EPHB4: variants seen among roughly 807,000 people sequenced by gnomAD.
EPHB4 encodes the protein ephrin type-B receptor 4.
Under a neutral mutation model 110.6 loss-of-function variants are expected in EPHB4, and 50 were observed. The observed-to-expected ratio is 0.45, with a 90% CI of 0.36 to 0.57. The LOEUF (loss-of-function observed/expected upper bound fraction) is 0.57, where lower values mean the gene tolerates loss of function less well. EPHB4 is among the 20% of genes least tolerant of loss of function. EPHB4 has a pLI of 0.00. For missense variants in EPHB4, 1,128 were observed against 1,382.1 expected (o/e 0.82, Z 2.91); for synonymous variants, 592 against 578.4 (o/e 1.02, Z -0.34).
At chr7:100,824,305 T>C (rs1228413755) in intron 1 of EPHB4, 32 bp from the exon 2 acceptor site, 1 of 1,592,986 alleles carries the variant, frequency 6.3e-7, no homozygotes, top group South Asian at 1.1e-5. Context: ...AGTCAGTGCC[T>C]GGGGTGGGGG....
At chr7:100,808,005 C>A (rs1812853292) in intron 12 of EPHB4, among the ~76,000 whole-genome samples, 1 of 152,204 alleles carries the variant, frequency 6.6e-6, no homozygotes, top group South Asian at 2.1e-4. Flanking sequence ...AGCCCCCCAA[C>A]TCCCTCAGGT....
chr7:100,812,697 G>T, intron 12 of EPHB4, 50 bp downstream of exon 12: 1 of 1,580,574 alleles, frequency 6.3e-7, no homozygotes, highest in South Asian at 1.2e-5. Flanking sequence ...GTGGCCTCTG[G>T]GTGTAAGTGG....
chr7:100,806,862 G>T (rs957050562), intron 13 of EPHB4, among the ~76,000 whole-genome samples: 5 of 152,138 alleles, frequency 3.3e-5, no homozygotes, highest in Non-Finnish European at 5.9e-5. Flanking sequence ...TAGCGACAGG[G>T]TTTTCCCATG....
At chr7:100,812,686 A>C (rs1159338661) in intron 12 of EPHB4, 61 bp downstream of exon 12, 2 of 1,566,516 alleles carry the variant, frequency 1.3e-6, no homozygotes, top group Non-Finnish European at 1.7e-6. Context: ...TCTTAACCCA[A>C]GTGGCCTCTG....
At chr7:100,803,938 GGGAGAGGAAGAGCTGGGT>G (rs749864040) in intron 16 of EPHB4, among the ~76,000 whole-genome samples, 2 of 152,286 alleles carry the variant, frequency 1.3e-5, no homozygotes, top group Admixed American at 6.5e-5. Flanking sequence ...AGGCCGAAGT[GGGAGAGGAAGAGCTGGGT>G]GGAGAGGAAG....
rs773621068 is a variant in EPHB4 at position 100,827,039 on chromosome 7, C to T, written c.-9G>A. The T allele has an allele frequency of 8.9e-6, 14 of 1,579,376 alleles. No homozygotes were observed. The South Asian group carries it at 1.5e-4, about 17-fold the overall frequency. ...AGCACCCGGAGCTCCATGGCGCCGC[C>T]TCACTCGGGTAGGATCCGAACTGAG... On this transcript the variant is annotated 5_prime_UTR_variant, in exon 1 of 17. Transcript: ENST00000358173.
chr7:100,816,729 G>A (rs561660228), intron 8 of EPHB4, among the ~76,000 whole-genome samples: 5 of 152,168 alleles, frequency 3.3e-5, no homozygotes, highest in South Asian at 2.1e-4. Flanking sequence ...TTTTGGTTTC[G>A]ACATCTTACG....
At position 100,819,605 on chromosome 7, in the gene EPHB4, T is replaced by C; in HGVS notation, c.1249A>G (p.Thr417Ala). 1 of 1,595,228 alleles carries C rather than the reference T, an allele frequency of 6.3e-7. No homozygotes were observed. The highest frequency in any genetic ancestry group is 8.6e-7 in the Non-Finnish European group (1 of 1,165,416). The change falls in exon 6 of 17, where the codon ACG becomes GCG. Residue 417 changes from threonine (T) to alanine (A), a missense_variant. Around this residue, in one of 3 missense-constraint regions of EPHB4, gnomAD observed 728 missense variants for 828.6 expected, o/e 0.88. Coordinates refer to ENST00000358173, the MANE Select transcript of EPHB4 (RefSeq NM_004444.5). ...ACAGGCTCAAATGGGACGGGCCCCGTGGCTAAGGAGGATACCCCGTTCAAT... is the reference window on the plus strand; with the variant it reads ...ACAGGCTCAAATGGGACGGGCCCCGCGGCTAAGGAGGATACCCCGTTCAAT... ...TALNGVSSLA[T>A]GPVPFEPVNV...
intron 2 of EPHB4, 124 bp from the exon 3 acceptor site, chr7:100,824,055 C>T (rs2116462468): frequency 6.6e-7 from 1 of 1,519,604 alleles, no homozygotes; most frequent in South Asian, 1.2e-5. Flanking sequence ...AGGAGGGCGC[C>T]TCTGAGAAGG....
chr7:100,822,412 A>C lies in EPHB4; in HGVS notation c.667T>G (p.Cys223Gly). The change falls in exon 4 of 17, where the codon TGC (cysteine) becomes GGC (glycine). Residue 223 changes from cysteine (C) to glycine (G), a missense_variant. Transcript: ENST00000358173. The surrounding 1 kb of genome is among the most constrained non-coding windows in gnomAD (Gnocchi z 4.7). ...GGGGCGGGGACGGCATCCACCACGC[A>C]GCTACCGGCCACGGGCACAACCAGC... ...RELVVPVAGS[C>G]VVDAVPAPGP... 6.3e-7 allele frequency: 1 copy of C among 1,589,292 alleles called. No individual in the cohort carries two copies. The highest frequency in any genetic ancestry group is 8.6e-7 in the Non-Finnish European group (1 of 1,166,402).
At chr7:100,808,871 A>C (rs534497555) in intron 12 of EPHB4, among the ~76,000 whole-genome samples, 1 of 152,282 alleles carries the variant, frequency 6.6e-6, no homozygotes, top group Non-Finnish European at 1.5e-5. Flanking sequence ...GTTTGTGGCA[A>C]CACCACCACT....
rs958023708 is a variant in EPHB4, at chr7:100,817,718, G to A, written c.1423-361C>T. On this transcript the variant is annotated intron_variant, in intron 7 of 16. Transcript: ENST00000358173. ...TGATTTTGCTATTTGTAGTAGAGAC[G>A]GGGATTTCACCTTGTTGGCCAGGCT... Among the ~76,000 whole-genome samples the A allele has an allele frequency of 8.6e-5, 13 of 151,890 alleles. No individual in the cohort carries two copies. In the East Asian group the frequency reaches 2.1e-3, roughly 25 times the overall value.
In EPHB4 at chr7:100,819,703, C is replaced by T. The variant is rs569874323; in HGVS notation, c.1151G>A (p.Arg384Gln). Residue 384 changes from arginine to glutamine, a missense_variant, in exon 6 of 17, where the codon CGG becomes CAG. Arg to Gln is a conservative substitution (Grantham distance 43). Transcript: ENST00000358173. ...GGDLTFDPGP[R>Q]DLVEPWVVVR... ...CACCACCCAGGGCTCCACCAGGTCCCGGGGGCCGGGGTCAAAAGTCAGGTC... is the reference window on the plus strand; with the variant it reads ...CACCACCCAGGGCTCCACCAGGTCCTGGGGGCCGGGGTCAAAAGTCAGGTC... 4.0e-5 allele frequency: 65 copies of T among 1,613,408 alleles called. No homozygotes were observed. Among genetic ancestry groups the T allele is most frequent in the Middle Eastern group, 1.6e-4 (1 of 6,062 alleles).
chr7:100,823,552 C>A, intron 3 of EPHB4, 92 bp downstream of exon 3: 1 of 1,505,536 alleles, frequency 6.6e-7, no homozygotes, highest in Non-Finnish European at 9.0e-7. Flanking sequence ...GGGCCAGAGG[C>A]CTCGCAACTA....
In EPHB4 at chr7:100,817,375, T is replaced by C; in HGVS notation, c.1423-18A>G. On this transcript the variant is annotated intron_variant, in intron 7 of 16. Coordinates refer to ENST00000358173, the MANE Select transcript of EPHB4 (RefSeq NM_004444.5). ...TCGGCGCCCTGTCCGGGAGAGGTAG[T>C]GGGGTGGCCGTCACCCGGGAACCCA... 6.5e-7 allele frequency: 1 copy of C among 1,538,074 alleles called. No individual in the cohort carries two copies. Among genetic ancestry groups the C allele is most frequent in the South Asian group, 1.2e-5 (1 of 81,892 alleles).
chr7:100,822,163 T>C lies in EPHB4; in HGVS notation c.808+108A>G. 1 of 1,408,142 alleles carries C rather than the reference T, an allele frequency of 7.1e-7. No individual in the cohort carries two copies. Among genetic ancestry groups the C allele is most frequent in the South Asian group, 1.5e-5 (1 of 68,332 alleles). 87.2% of individuals were successfully genotyped at this position (1,408,142 alleles called of 1,614,324 possible). A position where few individuals can be genotyped will look rare whatever the true frequency, so the allele number is the denominator to read the frequency against. On this transcript the variant is annotated intron_variant, in intron 4 of 16. Coordinates refer to ENST00000358173, the MANE Select transcript of EPHB4 (RefSeq NM_004444.5). The surrounding 1 kb of genome is among the most constrained non-coding windows in gnomAD (Gnocchi z 4.7). Reference sequence around the variant, plus strand: ...GCCTGGGTGACAGAGCAAGCCTCCATTTCAACATCTAACTATACAAAATGG... The same window carrying C: ...GCCTGGGTGACAGAGCAAGCCTCCACTTCAACATCTAACTATACAAAATGG...
intron 12 of EPHB4, among the ~76,000 whole-genome samples, chr7:100,810,134 C>T (rs1003627005): frequency 2.6e-5 from 4 of 152,158 alleles, no homozygotes; most frequent in Non-Finnish European, 5.9e-5. Flanking sequence ...CCTGTAGTCC[C>T]AGCTACTCAG....
rs779782731 is a variant in EPHB4, at chr7:100,819,563, G to A, written c.1291C>T (p.Arg431Ter). ...PFEPVNVTTD[R>*]EVPPAVSDIR... Reference sequence around the variant, plus strand: ...CCCAGCCCCCAAGTCTCACCCTCTCGGTCAGTGGTGACATTGACAGGCTCA... The same window carrying A: ...CCCAGCCCCCAAGTCTCACCCTCTCAGTCAGTGGTGACATTGACAGGCTCA... The change falls in exon 6 of 17, where the codon CGA (arginine) becomes TGA (stop). Residue 431 changes from arginine (R) to a stop codon, truncating the protein, a stop_gained. Transcript: ENST00000358173. LOFTEE classifies it high-confidence loss of function. 1.3e-6 allele frequency: 2 copies of A among 1,558,504 alleles called. No individual in the cohort carries two copies. Among genetic ancestry groups the A allele is most frequent in the Admixed American group, 1.8e-5 (1 of 55,624 alleles).
intron 8 of EPHB4, among the ~76,000 whole-genome samples, chr7:100,816,589 C>A (rs1813072730): frequency 6.6e-6 from 1 of 152,094 alleles, no homozygotes; most frequent in Admixed American, 6.6e-5. Flanking sequence ...CTGCTTCAGC[C>A]TCCCAAAGTG....
Sources: gnomAD v4.1 joint callset for allele counts (sites outside exome capture counted in the v4.1 genomes callset) on GRCh38, gnomAD v4.1.1 for gene constraint, gnomAD v4.1.1 regional missense constraint, Gnocchi (gnomAD v3.1) non-coding constraint, MANE v1.5 for transcripts, NCBI Gene and HGNC (gene_info 2026-07-23, HGNC 2026-07-21) for gene names.